TMEM232: variants seen among roughly 807,000 people sequenced by gnomAD.
The protein encoded by TMEM232 is transmembrane protein 232.
Under a neutral mutation model 78.8 loss-of-function variants are expected in TMEM232, and 80 were observed. That is an observed-to-expected ratio of 1.01 (90% confidence interval 0.85 to 1.22). The LOEUF is 1.22. Among genes scored for constraint, TMEM232 ranks in the 50% most tolerant of loss-of-function variants. The probability of loss-of-function intolerance (pLI) is 0.00; values close to 1 mark genes in which losing one functional copy is unlikely to be tolerated. For synonymous variants in TMEM232, 297 were observed against 254.3 expected, an observed-to-expected ratio of 1.17 and a Z score of -1.60; for missense variants, 881 against 742.2, an observed-to-expected ratio of 1.19 and a Z score of -2.17.
At chr5:110,538,842 T>A (rs543987411) in intron 11 of TMEM232, among the ~76,000 whole-genome samples, 2 of 152,222 alleles carry the variant, frequency 1.3e-5, no homozygotes, top group Non-Finnish European at 2.9e-5. Flanking sequence ...AGAAGCAAAT[T>A]ACTCTGTTTT....
chr5:110,680,577 C>G (rs1413471910), intron 1 of TMEM232, among the ~76,000 whole-genome samples: 2 of 151,992 alleles, frequency 1.3e-5, no homozygotes, highest in Non-Finnish European at 2.9e-5. Context: ...CAATCCCTTA[C>G]TCTAACATAA....
At chr5:110,569,571 T>C (rs991503503) in intron 10 of TMEM232, among the ~76,000 whole-genome samples, 1 of 151,914 alleles carries the variant, frequency 6.6e-6, no homozygotes, top group African/African-American at 2.4e-5. Flanking sequence ...TTAAATTCCA[T>C]ATTGCACTTT....
chr5:110,538,657 A>G (rs1339045842), intron 11 of TMEM232, among the ~76,000 whole-genome samples: 1 of 152,186 alleles, frequency 6.6e-6, no homozygotes, highest in Non-Finnish European at 1.5e-5. Context: ...CAAGGGGTTC[A>G]GTCAGGCAAA....
chr5:110,667,236 A>G lies in TMEM232; in HGVS notation c.117T>C (p.His39=). 1 of 1,543,408 alleles carries G rather than the reference A, an allele frequency of 6.5e-7. No individual in the cohort carries two copies. The highest frequency in any genetic ancestry group is 8.8e-7 in the Non-Finnish European group (1 of 1,142,396). ...ATTATTTTCTAGCTTACCTTGATTT[A>G]TGACCCCTTTCTCCACTTAAATGTT... ...NFQHLSGERG[H]KSRPTFSITK... Residue 39 remains histidine (H), a synonymous_variant, in exon 2 of 14, where the codon CAT becomes CAC. Coordinates refer to ENST00000455884, the MANE Select transcript of TMEM232 (RefSeq NM_001039763.4).
Position 110,733,057 on chromosome 5 carries a change from C to T in TMEM232, c.-13+1846G>A, listed in dbSNP as rs571261603. 1.2e-4 allele frequency among the ~76,000 whole-genome samples: 19 copies of T among 152,166 alleles called. No homozygotes were observed. In the South Asian group the frequency reaches 2.7e-3, roughly 22 times the overall value. The stretch of plus-strand genomic sequence containing the variant: ...CAAAAGAAGACATACATGTGGCCAA[C>T]ATGTATATGAAAAAAAGCTCAACAT... On this transcript the variant is annotated intron_variant, in intron 2 of 4. Transcript: ENST00000512886.
At chr5:110,452,726 A>AT (rs1760453463) in intron 12 of TMEM232, among the ~76,000 whole-genome samples, 1 of 152,234 alleles carries the variant, frequency 6.6e-6, no homozygotes, top group Admixed American at 6.5e-5. Flanking sequence ...TTCTTAATGT[A>AT]TAGCCTAGTG....
At chr5:110,659,460 G>A (rs777857348) in intron 2 of TMEM232, among the ~76,000 whole-genome samples, 2 of 152,140 alleles carry the variant, frequency 1.3e-5, no homozygotes, top group African/African-American at 4.8e-5. Context: ...ACACTTACAG[G>A]TGCCTGGGAG....
Position 110,424,872 on chromosome 5 carries a change from T to A in TMEM232, c.1748A>T (p.Asp583Val), listed in dbSNP as rs911772782. ...CTCTTTATCTGCCTTGGTGAAGAAATCTGGATATGGAAACATGGGAATTTC... is the reference window on the plus strand; with the variant it reads ...CTCTTTATCTGCCTTGGTGAAGAAAACTGGATATGGAAACATGGGAATTTC... ...VSEIPMFPYP[D>V]FFTKADKELA... The change falls in exon 13 of 14, where the codon GAT becomes GTT. Residue 583 changes from aspartate (D) to valine (V), a missense_variant. Transcript: ENST00000455884. The A allele has an allele frequency of 9.0e-6, 14 of 1,550,238 alleles. No homozygotes were observed. Among genetic ancestry groups the A allele is most frequent in the Non-Finnish European group, 1.0e-5 (12 of 1,146,210 alleles).
downstream of TMEM232, among the ~76,000 whole-genome samples, chr5:110,418,761 C>A (rs971483215): frequency 6.6e-6 from 1 of 152,026 alleles, no homozygotes; most frequent in East Asian, 1.9e-4. Context: ...AGTGAGGAGG[C>A]CTTAAGGACC....
At chr5:110,638,986 A>G (rs1467090855) in intron 4 of TMEM232, among the ~76,000 whole-genome samples, 1 of 152,218 alleles carries the variant, frequency 6.6e-6, no homozygotes, top group Non-Finnish European at 1.5e-5. Flanking sequence ...AGCCTAGAGA[A>G]AACAGCTTCT....
At chr5:110,417,605 CTT>C (rs892114155), downstream of TMEM232, 1 of 137,636 alleles carries the variant, frequency 7.3e-6, no homozygotes, top group Non-Finnish European at 1.6e-5. Flanking sequence ...TTCTTTCAAA[CTT>C]TTTTCTTTTT....
chr5:110,572,938 C>G (rs1244251788), intron 10 of TMEM232, among the ~76,000 whole-genome samples: 1 of 152,030 alleles, frequency 6.6e-6, no homozygotes, highest in African/African-American at 2.4e-5. Context: ...AACAAGGGAC[C>G]AAGCTGTAGC....
chr5:110,717,352 C>T (rs990557241), intron 1 of TMEM232, among the ~76,000 whole-genome samples: 3 of 152,046 alleles, frequency 2.0e-5, no homozygotes, highest in Non-Finnish European at 4.4e-5. Context: ...TTAATGACGC[C>T]ATTTACTCTG....
intron 10 of TMEM232, among the ~76,000 whole-genome samples, chr5:110,598,534 T>A (rs933326075): frequency 6.6e-6 from 1 of 152,130 alleles, no homozygotes; most frequent in African/African-American, 2.4e-5. Flanking sequence ...GGACTATAAA[T>A]CATGCTGCTA....
At chr5:110,496,500 G>C (rs1339475091) in intron 12 of TMEM232, among the ~76,000 whole-genome samples, 1 of 151,924 alleles carries the variant, frequency 6.6e-6, no homozygotes, top group Admixed American at 6.6e-5. Flanking sequence ...CATTCAAAAG[G>C]TAAATGCAGA....
chr5:110,656,385 C>T (rs1789056320), intron 2 of TMEM232, among the ~76,000 whole-genome samples: 1 of 152,208 alleles, frequency 6.6e-6, no homozygotes, highest in Non-Finnish European at 1.5e-5. Flanking sequence ...TTCCACAACA[C>T]AGCCTTATAT....
intron 12 of TMEM232, among the ~76,000 whole-genome samples, chr5:110,429,551 C>T (rs311725): frequency 0.033 from 5,078 of 151,784 alleles, 157 homozygotes; most frequent in African/African-American, 0.077. Flanking sequence ...CTACATCTCA[C>T]ACCCTCACCT....
chr5:110,517,787 T>C (rs552386004), intron 12 of TMEM232, among the ~76,000 whole-genome samples: 27 of 152,224 alleles, frequency 1.8e-4, no homozygotes, highest in Non-Finnish European at 2.4e-4. Flanking sequence ...GATAAGCAGA[T>C]AGCATTTTTT....
At chr5:110,587,695 G>T in intron 10 of TMEM232, among the ~76,000 whole-genome samples, 1 of 61,216 alleles carries the variant, frequency 1.6e-5, no homozygotes, top group African/African-American at 1.4e-4. Flanking sequence ...ATATATATGT[G>T]TGTGTGTGTG....
Sources: allele counts gnomAD v4.1 joint callset (sites outside exome capture counted in the v4.1 genomes callset), GRCh38; gene constraint gnomAD v4.1.1; transcripts MANE v1.5; gene names NCBI Gene and HGNC (gene_info 2026-07-23, HGNC 2026-07-21).